Variants in SLC15A4 observed in about 807,000 individuals in gnomAD.
SLC15A4 encodes the protein hPHT1.
A neutral mutation model predicts 46.1 loss-of-function variants in SLC15A4; 26 were observed. The observed-to-expected ratio is 0.56, with a 90% CI of 0.41 to 0.78. The LOEUF (loss-of-function observed/expected upper bound fraction) is 0.78, where lower values mean the gene tolerates loss of function less well. Among genes scored for constraint, SLC15A4 ranks in the 30% least tolerant of loss-of-function variants. The pLI, the probability that SLC15A4 is intolerant of heterozygous loss-of-function variation, is 0.00. For missense variants in SLC15A4, 751 were observed against 755.7 expected (o/e 0.99, Z 0.07); for synonymous variants, 370 against 333.4 (o/e 1.11, Z -1.20).
intron 1 of SLC15A4, among the ~76,000 whole-genome samples, chr12:128,818,172 G>A (rs773979291): frequency 2.6e-5 from 4 of 151,816 alleles, no homozygotes; most frequent in African/African-American, 9.7e-5. Flanking sequence ...CACCAAGAAC[G>A]ATTGTGACCT....
Position 128,810,166 on chromosome 12 carries a change from T to C in SLC15A4, c.843-55A>G, listed in dbSNP as rs143686064. On this transcript the variant is annotated intron_variant, in intron 2 of 7. Transcript: ENST00000266771. ...TTCTTCCCCTCCCAGCAATCAATTA[T>C]TTGGTCACAAATTAAGTTTGGAGGT... The C allele has an allele frequency of 2.3e-4, 356 of 1,574,180 alleles. No individual in the cohort carries two copies. In the African/African-American group the frequency reaches 4.2e-3, roughly 19 times the overall value.
intron 1 of SLC15A4, among the ~76,000 whole-genome samples, chr12:128,818,840 T>C (rs1340607849): frequency 2.0e-5 from 3 of 152,214 alleles, no homozygotes; most frequent in Admixed American, 2.0e-4. Flanking sequence ...CTTCCGGGCA[T>C]TCCACATCAA....
chr12:128,815,029 A>G lies in SLC15A4; in HGVS notation c.588T>C (p.Asn196=). ...RGPEATRRFF[N]WFYWSINLGA... ...CCAGGTTAATGCTCCAATAAAACCAATTAAAAAATCTCCTAGTGGCTTCCG... is the reference window on the plus strand; with the variant it reads ...CCAGGTTAATGCTCCAATAAAACCAGTTAAAAAATCTCCTAGTGGCTTCCG... Residue 196 remains asparagine, a synonymous_variant, in exon 2 of 8, where the codon AAT becomes AAC. Transcript: ENST00000266771. 6.2e-7 allele frequency: 1 copy of G among 1,612,556 alleles called. No individual in the cohort carries two copies. Among genetic ancestry groups the G allele is most frequent in the Non-Finnish European group, 8.5e-7 (1 of 1,178,596 alleles).
chr12:128,795,551 A>G (rs1182622428), intron 7 of SLC15A4, among the ~76,000 whole-genome samples: 1 of 152,206 alleles, frequency 6.6e-6, no homozygotes. Flanking sequence ...AAAGGCACTC[A>G]AGAGGGAGTC....
At position 128,809,984 on chromosome 12, in the gene SLC15A4, CAG is replaced by C. The variant is rs1488563622; in HGVS notation, c.968_969del (p.Pro323ArgfsTer50). 1 of 1,614,134 alleles carries C rather than the reference CAG, an allele frequency of 6.2e-7. No individual in the cohort carries two copies. Among genetic ancestry groups the C allele is most frequent in the Admixed American group, 1.7e-5 (1 of 60,012 alleles). On this transcript the variant is annotated frameshift_variant, in exon 3 of 8. Coordinates refer to ENST00000266771, the MANE Select transcript of SLC15A4 (RefSeq NM_145648.4). LOFTEE classifies it high-confidence loss of function. The part of the protein sequence containing the change: ...EDVKALVKIV[P>X]VFLALIPYWT... ...CAGTAAGGTATCAAAGCCAAGAAAA[CAG>C]GGACAATCTTGACCAGAGCTTTCAC...
At chr12:128,804,610 A>G (rs554239082) in intron 5 of SLC15A4, among the ~76,000 whole-genome samples, 85 of 152,316 alleles carry the variant, frequency 5.6e-4, no homozygotes, top group Middle Eastern at 3.4e-3. Context: ...GGCGCCTGTA[A>G]TCCCAGCTAC....
At chr12:128,801,941 C>A (rs10734964) in intron 5 of SLC15A4, among the ~76,000 whole-genome samples, 1 of 151,948 alleles carries the variant, frequency 6.6e-6, no homozygotes, top group Non-Finnish European at 1.5e-5. Flanking sequence ...AGGATATGAT[C>A]CATAGGGCGA....
At chr12:128,811,798 GT>G in intron 2 of SLC15A4, among the ~76,000 whole-genome samples, 1 of 152,268 alleles carries the variant, frequency 6.6e-6, no homozygotes, top group South Asian at 2.1e-4. Flanking sequence ...CAGGTTACTG[GT>G]TATATTACTT....
intron 7 of SLC15A4, among the ~76,000 whole-genome samples, chr12:128,796,790 C>T (rs930231585): frequency 8.5e-5 from 13 of 152,180 alleles, no homozygotes; most frequent in African/African-American, 3.1e-4. Context: ...TTTTATGTGC[C>T]TATTTTGAAA....
At chr12:128,802,572 C>G (rs1402568741) in intron 5 of SLC15A4, among the ~76,000 whole-genome samples, 1 of 152,140 alleles carries the variant, frequency 6.6e-6, no homozygotes, top group Non-Finnish European at 1.5e-5. Context: ...AAGGATGACA[C>G]CAAAGTGTCT....
intron 5 of SLC15A4, among the ~76,000 whole-genome samples, chr12:128,804,280 A>G (rs1640605832): frequency 6.6e-6 from 1 of 152,274 alleles, no homozygotes; most frequent in Non-Finnish European, 1.5e-5. Flanking sequence ...TTAGTCTTAG[A>G]TCAAAAAGAA....
At chr12:128,798,634 AAAG>A (rs1955476717) in intron 7 of SLC15A4, among the ~76,000 whole-genome samples, 1 of 152,238 alleles carries the variant, frequency 6.6e-6, no homozygotes, top group African/African-American at 2.4e-5. Flanking sequence ...AAAGGAAAAG[AAAG>A]AAGAAACCTT....
At chr12:128,795,567 G>A (rs1187715607) in intron 7 of SLC15A4, among the ~76,000 whole-genome samples, 2 of 152,212 alleles carry the variant, frequency 1.3e-5, no homozygotes, top group East Asian at 1.9e-4. Flanking sequence ...GAGTCTGGAC[G>A]CGGTGAGGGT....
At chr12:128,819,398 G>A (rs933134038) in intron 1 of SLC15A4, 4 of 151,836 alleles carry the variant, frequency 2.6e-5, no homozygotes, top group African/African-American at 9.7e-5. Context: ...ATAAGACTTG[G>A]TCTTAAAAAA....
intron 6 of SLC15A4, 114 bp from the exon 7 acceptor site, chr12:128,799,531 TGC>T: frequency 9.0e-7 from 1 of 1,107,180 alleles, no homozygotes; most frequent in Non-Finnish European, 1.3e-6. Flanking sequence ...GACTGAGTCC[TGC>T]AGACAGGCAC....
intron 5 of SLC15A4, 26 bp downstream of exon 5, chr12:128,808,762 G>A (rs1450055105): frequency 2.5e-6 from 4 of 1,611,956 alleles, no homozygotes; most frequent in South Asian, 2.2e-5. Context: ...CGGGCCTGAG[G>A]AGGAACGGAG....
chr12:128,797,590 C>T (rs1202274009), intron 7 of SLC15A4, among the ~76,000 whole-genome samples: 1 of 152,200 alleles, frequency 6.6e-6, no homozygotes, highest in Non-Finnish European at 1.5e-5. Flanking sequence ...TAACAAAACT[C>T]TGGGGACTCT....
At chr12:128,811,160 G>A (rs1023220606) in intron 2 of SLC15A4, among the ~76,000 whole-genome samples, 21 of 152,186 alleles carry the variant, frequency 1.4e-4, no homozygotes, top group Admixed American at 4.6e-4. Flanking sequence ...AAGGATCTCA[G>A]GGGTAAAATG....
At position 128,823,481 on chromosome 12, in the gene SLC15A4, G is replaced by T. The variant is rs905945819; in HGVS notation, c.463C>A (p.Pro155Thr). Residue 155 changes from proline to threonine, a missense_variant, in exon 1 of 8, where the codon CCG becomes ACG. By Grantham distance (38) the Pro-to-Thr change is conservative (BLOSUM62 -1). Coordinates refer to ENST00000266771, the MANE Select transcript of SLC15A4 (RefSeq NM_145648.4). ...GPDAAARCCS[P>T]ATFAGLVLVG... ...AGCACCAGCCCCGCGAAGGTGGCCGGTGAGCAGCAGCGGGCGGCGGCGTCG... is the reference window on the plus strand; with the variant it reads ...AGCACCAGCCCCGCGAAGGTGGCCGTTGAGCAGCAGCGGGCGGCGGCGTCG... The T allele has an allele frequency of 2.7e-6, 4 of 1,484,670 alleles. No individual in the cohort carries two copies. The highest frequency in any genetic ancestry group is 3.6e-6 in the Non-Finnish European group (4 of 1,124,520). 92.0% of individuals were successfully genotyped at this position (1,484,670 alleles called of 1,614,324 possible). A position where few individuals can be genotyped will look rare whatever the true frequency, so the allele number is the denominator to read the frequency against.
Sources: gnomAD v4.1 joint callset for allele counts (sites outside exome capture counted in the v4.1 genomes callset) on GRCh38, gnomAD v4.1.1 for gene constraint, MANE v1.5 for transcripts, NCBI Gene and HGNC (gene_info 2026-07-23, HGNC 2026-07-21) for gene names.